Variants in ARHGAP44 observed in about 807,000 individuals in gnomAD.
ARHGAP44 encodes the protein rho GTPase-activating protein 44.
Under a neutral mutation model 106.8 loss-of-function variants are expected in ARHGAP44, and 43 were observed. The observed-to-expected ratio is 0.40, with a 90% confidence interval of 0.32 to 0.52. The LOEUF (loss-of-function observed/expected upper bound fraction) is 0.52. ARHGAP44 is among the 20% of genes least tolerant of loss of function. The pLI, the probability that ARHGAP44 is intolerant of heterozygous loss-of-function variation, is 0.48. For synonymous variants in ARHGAP44, 439 were observed against 410.3 expected, an observed-to-expected ratio of 1.07 and a Z score of -0.85; for missense variants, 866 against 1,050.5, an observed-to-expected ratio of 0.82 and a Z score of 2.43.
intron 1 of ARHGAP44, among the ~76,000 whole-genome samples, chr17:12,888,589 T>C (rs1160823975): frequency 6.6e-6 from 1 of 152,220 alleles, no homozygotes; most frequent in Admixed American, 6.5e-5. Flanking sequence ...TCTGTAAGTA[T>C]CAATTAGATC....
In ARHGAP44 at chr17:12,920,671, G is replaced by A. The variant is rs149748560; in HGVS notation, c.464+840G>A. Among the ~76,000 whole-genome samples the A allele has an allele frequency of 3.6e-3, 555 of 152,284 alleles. 3 individuals carry two copies. The highest frequency in any genetic ancestry group is 0.013 in the African/African-American group (527 of 41,558). Reference sequence around the variant, plus strand: ...GTGAGAGCCAGGAGGTAGGATGGTTGCTATGTCCTGTCCATTACAGGAAAT... The same window carrying A: ...GTGAGAGCCAGGAGGTAGGATGGTTACTATGTCCTGTCCATTACAGGAAAT... On this transcript the variant is annotated intron_variant, in intron 6 of 20. Transcript: ENST00000379672.
chr17:12,823,352 A>G (rs1269283588), intron 1 of ARHGAP44, among the ~76,000 whole-genome samples: 6 of 152,136 alleles, frequency 3.9e-5, no homozygotes, highest in Non-Finnish European at 5.9e-5. Flanking sequence ...TTCATTCTCC[A>G]GAACGATAGT....
At chr17:12,886,555 G>GT (rs1229181094) in intron 1 of ARHGAP44, among the ~76,000 whole-genome samples, 3 of 151,524 alleles carry the variant, frequency 2.0e-5, no homozygotes, top group South Asian at 2.1e-4. Flanking sequence ...ACACCTAAGT[G>GT]TTTTTTTAAG....
intron 1 of ARHGAP44, among the ~76,000 whole-genome samples, chr17:12,815,834 A>T (rs1014278866): frequency 3.9e-5 from 6 of 152,180 alleles, no homozygotes; most frequent in Non-Finnish European, 5.9e-5. Flanking sequence ...AAATAAGGAG[A>T]TGAGCAGGCA....
At chr17:12,926,064 G>A (rs1334031403) in intron 6 of ARHGAP44, among the ~76,000 whole-genome samples, 1 of 152,096 alleles carries the variant, frequency 6.6e-6, no homozygotes. Flanking sequence ...TCTTGTCACT[G>A]TTTTAAAATA....
intron 4 of ARHGAP44, among the ~76,000 whole-genome samples, chr17:12,913,517 A>G (rs2037801368): frequency 6.6e-6 from 1 of 152,192 alleles, no homozygotes; most frequent in Admixed American, 6.5e-5. Flanking sequence ...GGAAACGGAA[A>G]CATAGCTAAA....
intron 7 of ARHGAP44, among the ~76,000 whole-genome samples, chr17:12,935,584 A>G (rs1437773499): frequency 2.6e-5 from 4 of 152,152 alleles, no homozygotes; most frequent in Non-Finnish European, 5.9e-5. Flanking sequence ...AAAAAAAAAA[A>G]AAATCAAGGG....
intron 7 of ARHGAP44, among the ~76,000 whole-genome samples, chr17:12,936,219 C>T (rs886408643): frequency 1.3e-4 from 20 of 152,124 alleles, no homozygotes; most frequent in Non-Finnish European, 2.1e-4. Context: ...TTCCATAGTT[C>T]ATAGTCTACT....
At chr17:12,858,815 G>T (rs530140572) in intron 1 of ARHGAP44, among the ~76,000 whole-genome samples, 2 of 152,178 alleles carry the variant, frequency 1.3e-5, no homozygotes, top group African/African-American at 4.8e-5. Context: ...AGGTTTAGTG[G>T]ACTCACAGTT....
chr17:12,955,822 G>A (rs2039113086), intron 13 of ARHGAP44, 45 bp from the exon 14 acceptor site: 1 of 1,216,388 alleles, frequency 8.2e-7, no homozygotes, highest in Non-Finnish European at 1.2e-6. Context: ...GGACATGGCT[G>A]GTGTTGAGCC....
chr17:12,849,095 C>A (rs904388305), intron 1 of ARHGAP44, among the ~76,000 whole-genome samples: 2 of 151,642 alleles, frequency 1.3e-5, no homozygotes, highest in Non-Finnish European at 2.9e-5. Context: ...CAGATCCTAG[C>A]CCACAAAAGA....
chr17:12,863,684 A>T (rs1228410985), intron 1 of ARHGAP44, among the ~76,000 whole-genome samples: 1 of 152,214 alleles, frequency 6.6e-6, no homozygotes, highest in East Asian at 1.9e-4. Context: ...GTCTGAGTCC[A>T]TGTCCCTGAT....
At chr17:12,901,942 T>C (rs937874900) in intron 3 of ARHGAP44, among the ~76,000 whole-genome samples, 7 of 152,204 alleles carry the variant, frequency 4.6e-5, no homozygotes, top group African/African-American at 1.4e-4. Flanking sequence ...TTTACCACCC[T>C]AGTCTAAGCA....
intron 1 of ARHGAP44, among the ~76,000 whole-genome samples, chr17:12,831,937 CAGAG>C (rs1259756318): frequency 2.0e-5 from 3 of 152,082 alleles, no homozygotes; most frequent in African/African-American, 7.2e-5. Flanking sequence ...CTAACAAACT[CAGAG>C]AGGAGTTTGG....
intron 1 of ARHGAP44, among the ~76,000 whole-genome samples, chr17:12,845,345 T>TA (rs1328930784): frequency 1.3e-5 from 2 of 151,828 alleles, no homozygotes; most frequent in Non-Finnish European, 2.9e-5. Flanking sequence ...CCATCTCTAC[T>TA]AAAAATACAA....
chr17:12,990,204 T>G lies in ARHGAP44; in HGVS notation c.*33T>G, dbSNP rs190703453. ...CCGCCCATCCTGCCTCGCGTGTACA[T>G]ACATCACGGGCCCTAGGAACGCCGC... On this transcript the variant is annotated 3_prime_UTR_variant, in exon 21 of 21. Coordinates refer to ENST00000379672, the MANE Select transcript of ARHGAP44 (RefSeq NM_014859.6). The G allele has an allele frequency of 3.1e-6, 5 of 1,592,224 alleles. No homozygotes were observed. The African/African-American group carries it at 6.7e-5, about 21-fold the overall frequency.
intron 5 of ARHGAP44, among the ~76,000 whole-genome samples, chr17:12,918,771 T>C (rs2037989127): frequency 6.6e-6 from 1 of 152,108 alleles, no homozygotes; most frequent in Non-Finnish European, 1.5e-5. Context: ...CCTTCATTTC[T>C]CCCCACTTTT....
chr17:12,912,747 G>A (rs144244713), intron 4 of ARHGAP44, among the ~76,000 whole-genome samples: 22 of 152,308 alleles, frequency 1.4e-4, no homozygotes, highest in Non-Finnish European at 2.9e-4. Context: ...AAGAAAGAAG[G>A]TTATTAAGCA....
At chr17:12,819,271 A>G (rs982466355) in intron 1 of ARHGAP44, among the ~76,000 whole-genome samples, 1 of 151,034 alleles carries the variant, frequency 6.6e-6, no homozygotes, top group Non-Finnish European at 1.5e-5. Flanking sequence ...ATATATCAGT[A>G]TTTTTTTTTG....
Sources: allele counts gnomAD v4.1 joint callset (sites outside exome capture counted in the v4.1 genomes callset), GRCh38; gene constraint gnomAD v4.1.1; transcripts MANE v1.5; gene names NCBI Gene and HGNC (gene_info 2026-07-23, HGNC 2026-07-21).